Variants in COL24A1 observed in about 807,000 individuals in gnomAD.
COL24A1 encodes the protein collagen alpha-1(XXIV) chain.
A neutral mutation model predicts 253.9 loss-of-function variants in COL24A1; 224 were observed. The ratio of observed to expected loss-of-function variants is 0.88; its 90% CI spans 0.79 to 0.99. The LOEUF is 0.99. Among genes scored for constraint, COL24A1 ranks in the 50% least tolerant of loss-of-function variants. The pLI, the probability that COL24A1 is intolerant of heterozygous loss-of-function variation, is 0.00. For missense variants in COL24A1, 2,131 were observed against 2,068.5 expected (o/e 1.03, Z -0.59); for synonymous variants, 685 against 673.7 (o/e 1.02, Z -0.26).
intron 39 of COL24A1, 76 bp downstream of exon 39, chr1:85,847,589 A>T: frequency 1.5e-5 from 15 of 989,102 alleles, no homozygotes; most frequent in Non-Finnish European, 2.2e-5. Flanking sequence ...TAATCAAGGG[A>T]TGAAACTTTA....
intron 19 of COL24A1, among the ~76,000 whole-genome samples, chr1:85,990,577 CA>C (rs1311817973): frequency 6.6e-6 from 1 of 152,212 alleles, no homozygotes; most frequent in African/African-American, 2.4e-5. Context: ...TAACAGGTCA[CA>C]AACCAGTACA....
chr1:86,050,050 G>T lies in COL24A1; in HGVS notation c.1905+74C>A, dbSNP rs1327848583. 1.2e-5 allele frequency: 15 copies of T among 1,302,708 alleles called. No homozygotes were observed. In the East Asian group the frequency reaches 3.7e-4, roughly 32 times the overall value. The allele number at this position is 1,302,708 out of a possible 1,614,324, so 80.7% of individuals were successfully genotyped here. On this transcript the variant is annotated intron_variant, in intron 11 of 59. Transcript: ENST00000370571. ...CAGTAAGATTACTTCCCTGACATCT[G>T]ATTTTATGACCCCCATTGTACATTA...
At chr1:85,985,349 A>T (rs1236422898) in intron 20 of COL24A1, among the ~76,000 whole-genome samples, 2 of 151,760 alleles carry the variant, frequency 1.3e-5, no homozygotes, top group Non-Finnish European at 3.0e-5. Flanking sequence ...AGTTTGGCTG[A>T]AGTGATGCTT....
At chr1:85,961,044 G>T (rs1036445820) in intron 24 of COL24A1, among the ~76,000 whole-genome samples, 1 of 152,046 alleles carries the variant, frequency 6.6e-6, no homozygotes, top group African/African-American at 2.4e-5. Context: ...GGATGAAAAT[G>T]TCATCAATTG....
intron 53 of COL24A1, among the ~76,000 whole-genome samples, chr1:85,770,121 C>G (rs1174510618): frequency 2.0e-5 from 3 of 152,132 alleles, no homozygotes; most frequent in African/African-American, 7.2e-5. Context: ...TGTACATATG[C>G]TCTTGCTTCC....
At chr1:86,140,505 T>A (rs1365299943) in intron 2 of COL24A1, among the ~76,000 whole-genome samples, 1 of 152,230 alleles carries the variant, frequency 6.6e-6, no homozygotes, top group Non-Finnish European at 1.5e-5. Flanking sequence ...GGACTTGAAG[T>A]TACTGCAGCT....
At chr1:86,151,172 G>A (rs184735207) in intron 1 of COL24A1, among the ~76,000 whole-genome samples, 15 of 152,030 alleles carry the variant, frequency 9.9e-5, no homozygotes, top group Non-Finnish European at 1.9e-4. Context: ...TCTTCCTATA[G>A]TTTTGGTCCA....
At chr1:86,095,896 A>C (rs1327120298) in intron 5 of COL24A1, among the ~76,000 whole-genome samples, 1 of 152,092 alleles carries the variant, frequency 6.6e-6, no homozygotes, top group Non-Finnish European at 1.5e-5. Flanking sequence ...CTTTTAGTCC[A>C]TTATTGAATC....
At chr1:85,978,388 T>C (rs954905050) in intron 20 of COL24A1, among the ~76,000 whole-genome samples, 6 of 151,892 alleles carry the variant, frequency 4.0e-5, no homozygotes, top group African/African-American at 1.5e-4. Flanking sequence ...ATCTCAATAT[T>C]AACGTTGAAT....
intron 24 of COL24A1, among the ~76,000 whole-genome samples, chr1:85,937,257 A>G (rs1196234740): frequency 6.8e-6 from 1 of 147,732 alleles, no homozygotes; most frequent in Non-Finnish European, 1.5e-5. Context: ...TCTTCTAATG[A>G]GCAAGTCTCA....
intron 1 of COL24A1, chr1:86,156,029 C>G: frequency 3.6e-6 from 1 of 277,996 alleles, no homozygotes; most frequent in Middle Eastern, 9.6e-4. Flanking sequence ...GAGAGATCGT[C>G]GGAGCCCAGC....
rs1435366550 is a variant in COL24A1, at chr1:85,762,643, A to G, written c.4375-1077T>C. ...CAGAAGCTGCAGGGTAGCTGACAGA[A>G]ATGTCACATTGGAGATAGCCTTTTA... is the stretch of plus-strand genomic sequence containing the variant. On this transcript the variant is annotated intron_variant, in intron 53 of 59. Transcript: ENST00000370571. 1.3e-5 allele frequency among the ~76,000 whole-genome samples: 2 copies of G among 152,224 alleles called. 1 individual carries two copies. The highest frequency in any genetic ancestry group is 4.8e-5 in the African/African-American group (2 of 41,470).
intron 3 of COL24A1, among the ~76,000 whole-genome samples, chr1:86,119,506 G>A (rs1185342516): frequency 6.6e-6 from 1 of 152,092 alleles, no homozygotes; most frequent in East Asian, 1.9e-4. Context: ...GGTGAGAGGG[G>A]ACAAAAGACA....
At chr1:85,800,974 A>G (rs534035575) in intron 47 of COL24A1, among the ~76,000 whole-genome samples, 12 of 152,344 alleles carry the variant, frequency 7.9e-5, no homozygotes, top group African/African-American at 2.9e-4. Flanking sequence ...ATGCATCTAC[A>G]ACATCAACAC....
intron 43 of COL24A1, among the ~76,000 whole-genome samples, chr1:85,838,113 T>A (rs546595042): frequency 9.8e-4 from 149 of 152,290 alleles, no homozygotes; most frequent in African/African-American, 3.4e-3. Context: ...CTTTATTGAA[T>A]TCCTACTATA....
At chr1:85,914,825 C>G (rs116258726) in intron 24 of COL24A1, among the ~76,000 whole-genome samples, 1 of 152,138 alleles carries the variant, frequency 6.6e-6, no homozygotes, top group Non-Finnish European at 1.5e-5. Flanking sequence ...ACTTTACATC[C>G]TCTTCTGGAA....
Position 85,896,027 on chromosome 1 carries a change from A to C in COL24A1, c.2871T>G (p.Gly957=), listed in dbSNP as rs747678037. The change falls in exon 30 of 60, where the codon GGT becomes GGG. Residue 957 remains glycine, a synonymous_variant. Transcript: ENST00000370571. ...KGDQGKRGPH[G]LIGKTGNPGE... Reference sequence around the variant, plus strand: ...GAAATGTTTTATTACTTACAATAAGACCATGAGGCCCTCTTTTTCCTTGAT... The same window carrying C: ...GAAATGTTTTATTACTTACAATAAGCCCATGAGGCCCTCTTTTTCCTTGAT... 6.3e-5 allele frequency: 102 copies of C among 1,611,916 alleles called. No individual in the cohort carries two copies. The highest frequency in any genetic ancestry group is 8.1e-5 in the Non-Finnish European group (96 of 1,179,450).
intron 14 of COL24A1, among the ~76,000 whole-genome samples, chr1:86,031,671 T>C (rs1293993449): frequency 6.6e-6 from 1 of 152,152 alleles, no homozygotes; most frequent in Non-Finnish European, 1.5e-5. Context: ...CATTATTTTT[T>C]CTTATCATAA....
At chr1:86,070,800 A>G (rs1701822338) in intron 7 of COL24A1, among the ~76,000 whole-genome samples, 1 of 152,198 alleles carries the variant, frequency 6.6e-6, no homozygotes, top group Non-Finnish European at 1.5e-5. Context: ...AATGGATTCC[A>G]TCAACACCAG....
Sources: allele counts gnomAD v4.1 joint callset (sites outside exome capture counted in the v4.1 genomes callset), GRCh38; gene constraint gnomAD v4.1.1; transcripts MANE v1.5; gene names NCBI Gene and HGNC (gene_info 2026-07-23, HGNC 2026-07-21).